ABCG1: variants seen among roughly 807,000 people sequenced by gnomAD.
ABCG1 encodes the protein ATP binding cassette subfamily G member 1, also known as ATP-binding cassette sub-family G member 1.
Under a neutral mutation model 69.2 loss-of-function variants are expected in ABCG1, and 29 were observed. The observed-to-expected ratio is 0.42, with a 90% CI of 0.31 to 0.57. The LOEUF is 0.57. Among genes scored for constraint, ABCG1 ranks in the 20% least tolerant of loss-of-function variants. The probability of loss-of-function intolerance (pLI) is 0.15; values close to 1 mark genes in which losing one functional copy is unlikely to be tolerated. For missense variants in ABCG1, 718 were observed against 898.1 expected, an observed-to-expected ratio of 0.80 and a Z score of 2.56; for synonymous variants, 370 against 374.8, an observed-to-expected ratio of 0.99 and a Z score of 0.15.
intron 2 of ABCG1, among the ~76,000 whole-genome samples, chr21:42,270,503 A>G (rs2068596658): frequency 6.6e-6 from 1 of 152,168 alleles, no homozygotes; most frequent in African/African-American, 2.4e-5. Flanking sequence ...TAATTAAGGG[A>G]TTAATAATAT....
intron 2 of ABCG1, among the ~76,000 whole-genome samples, chr21:42,269,356 C>T (rs1484315631): frequency 6.6e-6 from 1 of 152,196 alleles, no homozygotes; most frequent in African/African-American, 2.4e-5. Context: ...CCTCTGTCTG[C>T]CTGTCCACTG....
At position 42,291,474 on chromosome 21, in the gene ABCG1, C is replaced by T. The variant is rs751646500; in HGVS notation, c.1495-24C>T. On this transcript the variant is annotated intron_variant, in intron 12 of 14. Transcript: ENST00000398449. The surrounding 1 kb of genome is among the most constrained non-coding windows in gnomAD (Gnocchi z 6.4). ...CTGTGGTGGGAAGCGGCTGAGCCCG[C>T]GGCTGACGGGTCCTTGTTTCCAGAT... The T allele has an allele frequency of 1.9e-5, 30 of 1,595,316 alleles. No individual in the cohort carries two copies. In the East Asian group the frequency reaches 2.7e-4, roughly 14 times the overall value.
chr21:42,245,156 A>G (rs1433857501), intron 2 of ABCG1, among the ~76,000 whole-genome samples: 1 of 151,984 alleles, frequency 6.6e-6, no homozygotes, highest in Non-Finnish European at 1.5e-5. Flanking sequence ...GAATCTAGAC[A>G]CCCCACACTT....
rs567968246 is a variant in ABCG1 at position 42,227,384 on chromosome 21, G to A, written c.286+1470G>A. 9.8e-5 allele frequency among the ~76,000 whole-genome samples: 15 copies of A among 152,310 alleles called. No individual in the cohort carries two copies. The South Asian group carries it at 1.4e-3, about 15-fold the overall frequency. On this transcript the variant is annotated intron_variant, in intron 2 of 14. Transcript: ENST00000398449. ...ATGTATCAAGAAACCAGGACACCGC[G>A]TCATGTTTTGGCGTCGTTTGTCTAT...
At chr21:42,260,526 C>G (rs578147525) in intron 2 of ABCG1, among the ~76,000 whole-genome samples, 143 of 152,278 alleles carry the variant, frequency 9.4e-4, no homozygotes, top group African/African-American at 3.3e-3. Flanking sequence ...AGAGGAGCCG[C>G]ATGGAAGGGC....
chr21:42,289,159 A>G (rs2069006193), intron 10 of ABCG1, among the ~76,000 whole-genome samples: 1 of 152,198 alleles, frequency 6.6e-6, no homozygotes, highest in Non-Finnish European at 1.5e-5. Context: ...GTAATGCTGC[A>G]GTAACAAACA....
rs770050293 is a variant in ABCG1, at chr21:42,225,784, T to A, written c.156T>A (p.His52Gln). ...EATETDLLNGHLKKVDNNLTE... is the reference protein window; with the variant it reads ...EATETDLLNGQLKKVDNNLTE... ...CTGAGACGGACCTGCTGAATGGACA[T>A]CTGAAAAAAGTAGATAATAACCTCA... The change falls in exon 2 of 15, where the codon CAT becomes CAA. Residue 52 changes from histidine to glutamine, a missense_variant. By Grantham distance (24) the His-to-Gln change is conservative. Around this residue, in one of 2 missense-constraint regions of ABCG1, gnomAD observed 514 missense variants for 574.3 expected, o/e 0.90. Transcript: ENST00000398449. The A allele has an allele frequency of 1.9e-6, 3 of 1,613,826 alleles. No individual in the cohort carries two copies. Among genetic ancestry groups the A allele is most frequent in the Non-Finnish European group, 2.5e-6 (3 of 1,179,954 alleles).
At chr21:42,216,064 A>T (rs1384644872), upstream of ABCG1, 1 of 425,822 alleles carries the variant, frequency 2.3e-6, no homozygotes, top group Non-Finnish European at 4.7e-6. Context: ...AATAAGTCTC[A>T]TGAGATCTGA....
chr21:42,233,914 C>A (rs552106654), intron 2 of ABCG1, among the ~76,000 whole-genome samples: 7 of 152,354 alleles, frequency 4.6e-5, no homozygotes, highest in Non-Finnish European at 1.0e-4. Flanking sequence ...CCAAAAAAGT[C>A]CCCCTCTCTG....
intron 5 of ABCG1, among the ~76,000 whole-genome samples, chr21:42,279,083 A>G (rs908409671): frequency 1.3e-5 from 2 of 151,920 alleles, no homozygotes; most frequent in African/African-American, 4.8e-5. Flanking sequence ...CCCTGCTTTC[A>G]TGGGGTGTCG....
At chr21:42,209,250 G>C (rs2067567491) in intron 2 of ABCG1, among the ~76,000 whole-genome samples, 1 of 152,188 alleles carries the variant, frequency 6.6e-6, no homozygotes, top group East Asian at 1.9e-4. Context: ...GCAAAATGTG[G>C]GCTGCCTGGT....
chr21:42,203,663 A>C (rs1239060240), intron 2 of ABCG1, among the ~76,000 whole-genome samples: 1 of 152,226 alleles, frequency 6.6e-6, no homozygotes, highest in African/African-American at 2.4e-5. Flanking sequence ...GCTATAAAAT[A>C]AGTCTTGATA....
intron 2 of ABCG1, among the ~76,000 whole-genome samples, chr21:42,230,684 A>G (rs1458022251): frequency 6.6e-6 from 1 of 152,238 alleles, no homozygotes; most frequent in African/African-American, 2.4e-5. Context: ...TCATTTTATT[A>G]GGGCGTGATT....
chr21:42,256,814 T>C (rs2068313702), intron 2 of ABCG1, among the ~76,000 whole-genome samples: 1 of 152,178 alleles, frequency 6.6e-6, no homozygotes, highest in African/African-American at 2.4e-5. Context: ...TGGTGGGAGC[T>C]CATGCCCTCC....
intron 2 of ABCG1, among the ~76,000 whole-genome samples, chr21:42,208,396 T>A (rs1414368638): frequency 6.6e-6 from 1 of 152,066 alleles, no homozygotes; most frequent in East Asian, 1.9e-4. Context: ...TCTTCTAGAG[T>A]CTCCTTATGT....
chr21:42,266,589 C>T (rs1051437886), intron 2 of ABCG1, among the ~76,000 whole-genome samples: 7 of 152,178 alleles, frequency 4.6e-5, no homozygotes, highest in African/African-American at 1.4e-4. Context: ...AAGGGCAGTC[C>T]GTCACCACCC....
Position 42,276,590 on chromosome 21 carries a change from A to G in ABCG1, c.538-305A>G. On this transcript the variant is annotated intron_variant, in intron 4 of 14. Coordinates refer to ENST00000398449, the MANE Select transcript of ABCG1 (RefSeq NM_016818.3). The surrounding 1 kb of genome is among the most constrained non-coding windows in gnomAD (Gnocchi z 5.3). The stretch of plus-strand genomic sequence containing the variant: ...ACTCCTTGGGTTTTCCATGATGATC[A>G]GCTAGCTGCACGGTGGCTAGTGGCA... The G allele has an allele frequency of 2.6e-6, 1 of 382,792 alleles. No homozygotes were observed. The highest frequency in any genetic ancestry group is 4.8e-6 in the Non-Finnish European group (1 of 209,762). 23.7% of individuals were successfully genotyped at this position (382,792 alleles called of 1,614,324 possible). A position where few individuals can be genotyped will look rare whatever the true frequency, so the allele number is the denominator to read the frequency against.
chr21:42,295,385 A>AAAAAAAAAT (rs2069188425), intron 14 of ABCG1: 1 of 147,264 alleles, frequency 6.8e-6, no homozygotes, highest in Non-Finnish European at 1.5e-5. Flanking sequence ...AAAGGAAAGA[A>AAAAAAAAAT]ATCTGGTGGG....
rs1601412591 is a variant in ABCG1, at chr21:42,264,941, T to A, written c.287-6129T>A. Among the ~76,000 whole-genome samples, 2 of 152,186 alleles carry A rather than the reference T, an allele frequency of 1.3e-5. 1 individual carries two copies. The highest frequency in any genetic ancestry group is 3.9e-4 in the East Asian group (2 of 5,190). On this transcript the variant is annotated intron_variant, in intron 2 of 14. Transcript: ENST00000398449. ...CTGGCCTTGAGGCCACTAGCTCTCA[T>A]GGTTTCTGCCCGTGGTGGCAGACAG...
Sources: gnomAD v4.1 joint callset for allele counts (sites outside exome capture counted in the v4.1 genomes callset) on GRCh38, gnomAD v4.1.1 for gene constraint, gnomAD v4.1.1 regional missense constraint, Gnocchi (gnomAD v3.1) non-coding constraint, MANE v1.5 for transcripts, NCBI Gene and HGNC (gene_info 2026-07-23, HGNC 2026-07-21) for gene names.